Variants in NEDD9 observed in about 807,000 individuals in gnomAD.
The protein encoded by NEDD9 is enhancer of filamentation 1.
NEDD9 carries 26 observed loss-of-function variants against 76.6 expected under a neutral mutation model. The observed-to-expected ratio is 0.34, with a 90% CI of 0.25 to 0.47. NEDD9 has a LOEUF of 0.47. Among genes scored for constraint, NEDD9 ranks in the 20% least tolerant of loss-of-function variants. The pLI, the probability that NEDD9 is intolerant of heterozygous loss-of-function variation, is 1.00. For missense variants in NEDD9, 937 were observed against 1,058.5 expected (o/e 0.89, Z 1.59); for synonymous variants, 392 against 414.2 (o/e 0.95, Z 0.65).
chr6:11,373,383 A>G (rs115511918), intron 1 of NEDD9, among the ~76,000 whole-genome samples: 2,102 of 152,356 alleles, frequency 0.014, 13 homozygotes, highest in African/African-American at 0.022. Flanking sequence ...GACAAAGTCC[A>G]GGAAGTCAGA....
intron 1 of NEDD9, among the ~76,000 whole-genome samples, chr6:11,336,933 C>T (rs545061906): frequency 1.3e-5 from 2 of 152,198 alleles, no homozygotes; most frequent in South Asian, 4.1e-4. Flanking sequence ...CCTAGAATGC[C>T]TTCTTGGCTG....
chr6:11,289,575 C>T (rs1760722677), intron 3 of NEDD9, among the ~76,000 whole-genome samples: 1 of 152,184 alleles, frequency 6.6e-6, no homozygotes, highest in Admixed American at 6.5e-5. Context: ...GCCTCAGCCT[C>T]CCGAGTAGCT....
intron 1 of NEDD9, among the ~76,000 whole-genome samples, chr6:11,356,368 T>G (rs1762575456): frequency 6.6e-6 from 1 of 152,178 alleles, no homozygotes. Context: ...GATCTGTATT[T>G]TTACAAAATC....
intron 1 of NEDD9, among the ~76,000 whole-genome samples, chr6:11,374,201 C>G (rs770168798): frequency 6.6e-6 from 1 of 152,196 alleles, no homozygotes; most frequent in Non-Finnish European, 1.5e-5. Flanking sequence ...GGATCACTCT[C>G]ACCCATCAAG....
At chr6:11,335,241 G>C (rs1274026768) in intron 1 of NEDD9, among the ~76,000 whole-genome samples, 2 of 152,176 alleles carry the variant, frequency 1.3e-5, no homozygotes, top group East Asian at 3.9e-4. Flanking sequence ...ACAACAACGA[G>C]TGACGACCAG....
Position 11,226,898 on chromosome 6 carries a change from A to T in NEDD9, c.12+5606T>A, listed in dbSNP as rs568062249. Among the ~76,000 whole-genome samples the T allele has an allele frequency of 2.8e-4, 43 of 152,380 alleles. 2 individuals carry two copies. The South Asian group carries it at 8.7e-3, about 31-fold the overall frequency. Reference sequence around the variant, plus strand: ...AGGTATTATTCTCATTTGATAAATGAGGAAAAGAAGGTTTAAAGTAGCTAG... The same window carrying T: ...AGGTATTATTCTCATTTGATAAATGTGGAAAAGAAGGTTTAAAGTAGCTAG... On this transcript the variant is annotated intron_variant, in intron 1 of 6. Transcript: ENST00000379446.
At chr6:11,255,019 G>T (rs1351229392) in intron 3 of NEDD9, among the ~76,000 whole-genome samples, 1 of 152,260 alleles carries the variant, frequency 6.6e-6, no homozygotes, top group Admixed American at 6.5e-5. Context: ...GGGAAGACTA[G>T]CATGTCTACA....
intron 3 of NEDD9, among the ~76,000 whole-genome samples, chr6:11,265,171 T>G (rs1342928488): frequency 6.6e-6 from 1 of 152,250 alleles, no homozygotes; most frequent in East Asian, 1.9e-4. Context: ...TGCATGAGTA[T>G]CCTCTCATTA....
At chr6:11,322,727 CG>C (rs1420487368) in intron 2 of NEDD9, among the ~76,000 whole-genome samples, 2 of 152,202 alleles carry the variant, frequency 1.3e-5, no homozygotes, top group African/African-American at 4.8e-5. Flanking sequence ...ACCGGAATGA[CG>C]TGTTTCATCA....
At chr6:11,279,005 C>A (rs1386438691) in intron 3 of NEDD9, among the ~76,000 whole-genome samples, 2 of 151,602 alleles carry the variant, frequency 1.3e-5, no homozygotes, top group African/African-American at 4.9e-5. Flanking sequence ...CTGCAGACAT[C>A]TTATTATTTT....
intron 3 of NEDD9, among the ~76,000 whole-genome samples, chr6:11,281,466 A>G (rs1010826332): frequency 6.6e-6 from 1 of 152,210 alleles, no homozygotes; most frequent in Non-Finnish European, 1.5e-5. Flanking sequence ...ACCTCTGGAC[A>G]TTGGTGTGAG....
chr6:11,236,091 C>G (rs575862819), upstream of NEDD9, among the ~76,000 whole-genome samples: 9 of 152,296 alleles, frequency 5.9e-5, no homozygotes, highest in African/African-American at 1.7e-4. This position sits in a 1 kb window ranked among gnomAD's most constrained non-coding sequence, Gnocchi z 5.5. Context: ...CAAATTGTCT[C>G]AGTGAATACA....
intron 1 of NEDD9, among the ~76,000 whole-genome samples, chr6:11,357,346 C>T (rs1302133340): frequency 2.0e-5 from 3 of 152,260 alleles, no homozygotes; most frequent in African/African-American, 7.2e-5. Context: ...GCTGCCACAG[C>T]GGCAGGCAGC....
intron 1 of NEDD9, among the ~76,000 whole-genome samples, chr6:11,229,780 G>C (rs889287479): frequency 1.7e-4 from 26 of 152,236 alleles, no homozygotes; most frequent in African/African-American, 5.8e-4. Context: ...AATAAAGACA[G>C]ATTAGATAAG....
intron 3 of NEDD9, among the ~76,000 whole-genome samples, chr6:11,271,153 T>A (rs183339184): frequency 6.6e-6 from 1 of 152,122 alleles, no homozygotes; most frequent in Non-Finnish European, 1.5e-5. Context: ...CCCGATTTAG[T>A]GTCTCAAGAG....
At chr6:11,306,087 A>G (rs1281536098) in exon 3 of NEDD9, 12 of 1,503,838 alleles carry the variant, frequency 8.0e-6, no homozygotes, top group East Asian at 2.3e-5. Context: ...CTTCGTTTTC[A>G]TAACTCTACT....
intron 3 of NEDD9, among the ~76,000 whole-genome samples, chr6:11,264,440 C>A (rs1182272344): frequency 6.6e-6 from 1 of 152,040 alleles, no homozygotes; most frequent in Non-Finnish European, 1.5e-5. Context: ...AAGGGGTCCC[C>A]AAGAATTCAA....
Position 11,291,267 on chromosome 6 carries a change from G to GTTTTT in NEDD9, c.12+14720_12+14724dup, listed in dbSNP as rs869185428. 4.9e-3 allele frequency among the ~76,000 whole-genome samples: 469 copies of GTTTTT among 95,818 alleles called. 36 individuals are homozygous for GTTTTT. Among genetic ancestry groups the GTTTTT allele is most frequent in the African/African-American group, 0.02 (399 of 19,828 alleles). The allele number at this position is 95,818 out of a possible 152,430, so 62.9% of individuals were successfully genotyped here. On this transcript the variant is annotated intron_variant, in intron 3 of 3. Transcript: ENST00000397378. ...GAGCACAGGGCAGAAATAGAATGAGGTTTTTTTTTTTTTTTTTTTTTTTTT... is the reference window on the plus strand; with the variant it reads ...GAGCACAGGGCAGAAATAGAATGAGGTTTTTTTTTTTTTTTTTTTTTTTTTTTTTT...
intron 3 of NEDD9, among the ~76,000 whole-genome samples, chr6:11,245,574 A>G (rs1225180912): frequency 6.6e-6 from 1 of 152,220 alleles, no homozygotes; most frequent in African/African-American, 2.4e-5. Flanking sequence ...AGGCTGCCCT[A>G]CTTCTTAAAT....
Sources: allele counts gnomAD v4.1 joint callset (sites outside exome capture counted in the v4.1 genomes callset), GRCh38; gene constraint gnomAD v4.1.1; non-coding constraint Gnocchi (gnomAD v3.1); transcripts MANE v1.5; gene names NCBI Gene and HGNC (gene_info 2026-07-23, HGNC 2026-07-21).